The following DBI variants were observed in gnomAD, a reference collection of about 807,000 sequenced individuals.
DBI encodes acyl-CoA-binding protein.
In DBI, 12 loss-of-function variants were observed where a neutral mutation model predicts 13.0. The observed-to-expected ratio is 0.92, with a 90% CI of 0.59 to 1.49. DBI has a LOEUF of 1.49. Ranked by LOEUF, DBI falls within the 40% of genes most tolerant of loss-of-function variation. The pLI is 0.00. For synonymous variants in DBI, 37 were observed against 37.4 expected (o/e 0.99, Z 0.04); for missense variants, 95 against 104.8 (o/e 0.91, Z 0.41).
rs114420801 is a variant in DBI, at chr2:119,369,572, G to A, written c.128-1168G>A. Reference sequence around the variant, plus strand: ...GGAGGCCGAAGCAAGCGAATCATGAGGTCAGGAGTTTGAGACCAACCTGGC... The same window carrying A: ...GGAGGCCGAAGCAAGCGAATCATGAAGTCAGGAGTTTGAGACCAACCTGGC... On this transcript the variant is annotated intron_variant, in intron 2 of 3. Coordinates refer to ENST00000355857, the MANE Select transcript of DBI (RefSeq NM_001079862.4). 7.2e-3 allele frequency among the ~76,000 whole-genome samples: 1,095 copies of A among 152,292 alleles called. 9 individuals are homozygous for A. The highest frequency in any genetic ancestry group is 0.025 in the African/African-American group (1,032 of 41,554).
rs1681583311 is a variant in DBI at position 119,372,360 on chromosome 2, T to C, written c.*42T>C. 1 of 1,451,440 alleles carries C rather than the reference T, an allele frequency of 6.9e-7. No homozygotes were observed. Among genetic ancestry groups the C allele is most frequent in the Middle Eastern group, 1.8e-4 (1 of 5,696 alleles). 89.9% of individuals were successfully genotyped at this position (1,451,440 alleles called of 1,614,324 possible). On this transcript the variant is annotated 3_prime_UTR_variant, in exon 4 of 4. Transcript: ENST00000355857. ...ACTGTGCCATGTGTTTATCCTAAAC[T>C]GAGACAATGCCTTGTTTTTTTCTAA...
chr2:119,367,303 G>T, intron 1 of DBI: 1 of 1,437,056 alleles, frequency 7.0e-7, no homozygotes, highest in Non-Finnish European at 9.1e-7. Context: ...ACTTCGCTGT[G>T]TAGCGGGAGA....
At chr2:119,367,452 G>C (rs1457598110) in intron 1 of DBI, 3 of 1,567,970 alleles carry the variant, frequency 1.9e-6, no homozygotes, top group Admixed American at 1.8e-5. Context: ...GTCCGTGGCC[G>C]AGAGCTTGGA....
Position 119,372,078 on chromosome 2 carries a change from C to T in DBI, c.191-167C>T, listed in dbSNP as rs964385945. Among the ~76,000 whole-genome samples, 6 of 152,312 alleles carry T rather than the reference C, an allele frequency of 3.9e-5. 1 individual carries two copies. In the South Asian group the frequency reaches 6.2e-4, roughly 16 times the overall value. On this transcript the variant is annotated intron_variant, in intron 3 of 3. Coordinates refer to ENST00000355857, the MANE Select transcript of DBI (RefSeq NM_001079862.4). ...ACAGTTGCTTATGGAGCATTCACTT[C>T]GGGCCAGGTTCTGTGGATACTGTCT... is the stretch of plus-strand genomic sequence containing the variant.
At position 119,372,468 on chromosome 2, in the gene DBI, G is replaced by T; in HGVS notation, c.*150G>T. The stretch of plus-strand genomic sequence containing the variant: ...CTCACCATACGGCTCTAACAGATTA[G>T]GGGCTAAAACGATTACTGACTTTCC... On this transcript the variant is annotated 3_prime_UTR_variant, in exon 4 of 4. Coordinates refer to ENST00000355857, the MANE Select transcript of DBI (RefSeq NM_001079862.4). 1 of 571,370 alleles carries T rather than the reference G, an allele frequency of 1.8e-6. No individual in the cohort carries two copies. Among genetic ancestry groups the T allele is most frequent in the Non-Finnish European group, 3.1e-6 (1 of 317,498 alleles). The allele number at this position is 571,370 out of a possible 1,614,324, so 35.4% of individuals were successfully genotyped here. A position where few individuals can be genotyped will look rare whatever the true frequency, so the allele number is the denominator to read the frequency against.
rs1481587218 is a variant in DBI, at chr2:119,367,009, G to C, written c.-43G>C. ...TCTGGGCGATCGCTTCCTGGTCCTCGCCTCCTCCGCTGTCTCCCTGGAGTT... is the reference window on the plus strand; with the variant it reads ...TCTGGGCGATCGCTTCCTGGTCCTCCCCTCCTCCGCTGTCTCCCTGGAGTT... On this transcript the variant is annotated 5_prime_UTR_variant, in exon 1 of 4. Coordinates refer to ENST00000355857, the MANE Select transcript of DBI (RefSeq NM_001079862.4). 25 of 1,613,370 alleles carry C rather than the reference G, an allele frequency of 1.5e-5. No individual in the cohort carries two copies. The highest frequency in any genetic ancestry group is 6.7e-5 in the East Asian group (3 of 44,860).
intron 3 of DBI, among the ~76,000 whole-genome samples, chr2:119,371,820 C>T (rs575449366): frequency 6.7e-4 from 102 of 152,322 alleles, no homozygotes; most frequent in African/African-American, 2.2e-3. Flanking sequence ...GCCAGCTTAA[C>T]AGCTCTGGAA....
intron 2 of DBI, 150 bp downstream of exon 2, chr2:119,368,455 A>G (rs1681253153): frequency 1.5e-6 from 1 of 651,952 alleles, no homozygotes; most frequent in Non-Finnish European, 2.7e-6. Context: ...GGAAAAGACC[A>G]TGTTCCGGAT....
rs1316292157 is a variant in DBI at position 119,368,025 on chromosome 2, G to A, written c.10-163G>A. Reference sequence around the variant, plus strand: ...CTGAATCTTTCTAGCTGCCCTGTTGGGGCAGGGAGGGGCAGACACACTTCA... The same window carrying A: ...CTGAATCTTTCTAGCTGCCCTGTTGAGGCAGGGAGGGGCAGACACACTTCA... On this transcript the variant is annotated intron_variant, in intron 1 of 3. Transcript: ENST00000355857. The A allele has an allele frequency of 3.2e-6, 5 of 1,572,874 alleles. No homozygotes were observed. In the Admixed American group the frequency reaches 5.0e-5, roughly 16 times the overall value.
intron 2 of DBI, among the ~76,000 whole-genome samples, chr2:119,369,451 C>T (rs920708060): frequency 6.6e-6 from 1 of 152,270 alleles, no homozygotes; most frequent in East Asian, 1.9e-4. Context: ...AGTCCAAACA[C>T]GATAGTTTAG....
intron 1 of DBI, chr2:119,367,415 C>G (rs1225958356): frequency 1.3e-6 from 2 of 1,509,006 alleles, no homozygotes; most frequent in East Asian, 2.4e-5. Flanking sequence ...CAGGGCAGGA[C>G]GTCGCGGCGG....
intron 1 of DBI, chr2:119,367,757 C>G (rs956187083): frequency 1.2e-6 from 2 of 1,607,630 alleles, no homozygotes; most frequent in African/African-American, 2.7e-5. Flanking sequence ...CATACTGTGC[C>G]CCGTCTGTCC....
intron 2 of DBI, 36 bp from the exon 3 acceptor site, chr2:119,370,704 G>C (rs777401516): frequency 5.0e-6 from 8 of 1,600,590 alleles, no homozygotes; most frequent in Non-Finnish European, 6.8e-6. Context: ...ATTAGAATTT[G>C]AACCAGATCT....
At position 119,372,161 on chromosome 2, in the gene DBI, C is replaced by G. The variant is rs1321603556; in HGVS notation, c.191-84C>G. On this transcript the variant is annotated intron_variant, in intron 3 of 3. Coordinates refer to ENST00000355857, the MANE Select transcript of DBI (RefSeq NM_001079862.4). ...TGAGAAACTGAGCCTAGGAGAGTTA[C>G]AGCAGAGCTGCCTGGGGCTCTGGAG... 4.2e-6 allele frequency: 4 copies of G among 957,998 alleles called. No homozygotes were observed. In the Admixed American group the frequency reaches 5.3e-5, roughly 13 times the overall value. 59.3% of individuals were successfully genotyped at this position (957,998 alleles called of 1,614,324 possible).
At position 119,367,069 on chromosome 2, in the gene DBI, C is replaced by A. The variant is rs767950936; in HGVS notation, c.9+9C>A. ...CGGCCAGGATGTCTCAGGTACAGCGCGTGCACAGCCAGGCTGCGAAGGTGC... is the reference window on the plus strand; with the variant it reads ...CGGCCAGGATGTCTCAGGTACAGCGAGTGCACAGCCAGGCTGCGAAGGTGC... On this transcript the variant is annotated intron_variant, in intron 1 of 3. Coordinates refer to ENST00000355857, the MANE Select transcript of DBI (RefSeq NM_001079862.4). 5.0e-6 allele frequency: 8 copies of A among 1,613,858 alleles called. No individual in the cohort carries two copies. The highest frequency in any genetic ancestry group is 8.5e-7 in the Non-Finnish European group (1 of 1,179,978).
In DBI at chr2:119,370,907, G is replaced by T. The variant is rs936306990; in HGVS notation, c.190+105G>T. ...AGAGAAAACAAAGTCAATGGGGCAC[G>T]TGTGGGAAACCAGCCTGACCTGTGC... On this transcript the variant is annotated intron_variant, in intron 3 of 3. Coordinates refer to ENST00000355857, the MANE Select transcript of DBI (RefSeq NM_001079862.4). 6 of 1,050,024 alleles carry T rather than the reference G, an allele frequency of 5.7e-6. No individual in the cohort carries two copies. In the African/African-American group the frequency reaches 6.4e-5, roughly 11 times the overall value. 65.0% of individuals were successfully genotyped at this position (1,050,024 alleles called of 1,614,324 possible). A position where few individuals can be genotyped will look rare whatever the true frequency, so the allele number is the denominator to read the frequency against.
chr2:119,372,068 G>T (rs1184910830), intron 3 of DBI, among the ~76,000 whole-genome samples, 177 bp from the exon 4 acceptor site: 7 of 152,210 alleles, frequency 4.6e-5, no homozygotes, highest in African/African-American at 1.7e-4. Context: ...TGCTTATGGA[G>T]CATTCACTTC....
chr2:119,369,521 C>T (rs1415056091), intron 2 of DBI, among the ~76,000 whole-genome samples: 1 of 152,218 alleles, frequency 6.6e-6, no homozygotes, highest in African/African-American at 2.4e-5. Flanking sequence ...GGCGCTATGG[C>T]TCATGCCTGT....
chr2:119,369,276 C>T (rs1681339496), intron 2 of DBI, among the ~76,000 whole-genome samples: 1 of 152,182 alleles, frequency 6.6e-6, no homozygotes, highest in Non-Finnish European at 1.5e-5. Flanking sequence ...TTCTGACAAA[C>T]AGTATTTTCA....
Sources: allele counts gnomAD v4.1 joint callset (sites outside exome capture counted in the v4.1 genomes callset), GRCh38; gene constraint gnomAD v4.1.1; transcripts MANE v1.5; gene names NCBI Gene and HGNC (gene_info 2026-07-23, HGNC 2026-07-21).